SIRT3: variants seen among roughly 807,000 people sequenced by gnomAD.
SIRT3 encodes the protein sirtuin 3, also known as NAD-dependent protein deacetylase sirtuin-3, mitochondrial.
SIRT3 carries 26 observed loss-of-function variants against 33.5 expected under a neutral mutation model. The ratio of observed to expected loss-of-function variants is 0.78; its 90% CI spans 0.57 to 1.08. SIRT3 has a LOEUF of 1.08. Among genes scored for constraint, SIRT3 ranks in the 50% least tolerant of loss-of-function variants. SIRT3 has a pLI of 0.00. For synonymous variants in SIRT3, 237 were observed against 222.1 expected, an observed-to-expected ratio of 1.07 and a Z score of -0.60; for missense variants, 585 against 530.1, an observed-to-expected ratio of 1.10 and a Z score of -1.02.
Position 236,243 on chromosome 11 carries a change from CCCA to C in SIRT3, c.83_85del (p.Val28del). 1 of 1,551,138 alleles carries C rather than the reference CCCA, an allele frequency of 6.4e-7. No homozygotes were observed. Among genetic ancestry groups the C allele is most frequent in the Admixed American group, 1.9e-5 (1 of 52,682 alleles). ...CCGACAGCCGCAGGCCTGAAACGGCCCCACGCCTCCCCCGGCCTCGACCCGTTC... is the reference window on the plus strand; with the variant it reads ...CCGACAGCCGCAGGCCTGAAACGGCCCGCCTCCCCCGGCCTCGACCCGTTC... On this transcript the variant is annotated inframe_deletion, in exon 1 of 7. Transcript: ENST00000382743.
At chr11:221,233 C>T (rs34866124) in intron 5 of SIRT3, among the ~76,000 whole-genome samples, 1 of 152,204 alleles carries the variant, frequency 6.6e-6, no homozygotes, top group Non-Finnish European at 1.5e-5. Flanking sequence ...ATCCTCCTTC[C>T]TCAGCCTCTC....
At chr11:220,572 A>G (rs1856315252) in intron 5 of SIRT3, among the ~76,000 whole-genome samples, 1 of 152,158 alleles carries the variant, frequency 6.6e-6, no homozygotes, top group African/African-American at 2.4e-5. Flanking sequence ...CCACACACAC[A>G]CATGCATTTT....
chr11:227,150 G>C (rs1351818415), intron 4 of SIRT3, among the ~76,000 whole-genome samples: 1 of 151,968 alleles, frequency 6.6e-6, no homozygotes, highest in East Asian at 1.9e-4. Flanking sequence ...TTAAAAAACA[G>C]GCAGAGAGGC....
chr11:226,401 AATTTT>A (rs1429436520), intron 4 of SIRT3, among the ~76,000 whole-genome samples: 1 of 151,828 alleles, frequency 6.6e-6, no homozygotes, highest in African/African-American at 2.4e-5. Flanking sequence ...CAGGGCTTAG[AATTTT>A]ATTTTATATT....
chr11:233,556 G>T (rs1858416840), intron 1 of SIRT3, 22 bp from the exon 2 acceptor site: 10 of 1,611,802 alleles, frequency 6.2e-6, no homozygotes, highest in Non-Finnish European at 8.5e-6. Context: ...AAACACAGCA[G>T]CAAAGGAAAC....
At position 236,214 on chromosome 11, in the gene SIRT3, C is replaced by A; in HGVS notation, c.115G>T (p.Val39Leu). ...CTCACATCGTCCCTGCCGCCAAGCACCAGCCGACAGCCGCAGGCCTGAAAC... is the reference window on the plus strand; with the variant it reads ...CTCACATCGTCCCTGCCGCCAAGCAACAGCCGACAGCCGCAGGCCTGAAAC... ...GPFQACGCRLVLGGRDDVSAG... is the reference protein window; with the variant it reads ...GPFQACGCRLLLGGRDDVSAG... The change falls in exon 1 of 7, where the codon GTG (valine) becomes TTG (leucine). Residue 39 changes from valine to leucine, a missense_variant. Val to Leu is a conservative substitution (Grantham distance 32). Transcript: ENST00000382743. 1 of 1,559,974 alleles carries A rather than the reference C, an allele frequency of 6.4e-7. No homozygotes were observed. Among genetic ancestry groups the A allele is most frequent in the Non-Finnish European group, 8.6e-7 (1 of 1,156,164 alleles).
chr11:232,865 C>T, intron 3 of SIRT3, 118 bp downstream of exon 3: 1 of 972,574 alleles, frequency 1.0e-6, no homozygotes, highest in South Asian at 1.6e-5. Context: ...TGGCCGTCCC[C>T]AGAAACAGGC....
At chr11:229,216 A>G (rs12790715) in intron 4 of SIRT3, among the ~76,000 whole-genome samples, 23,758 of 152,156 alleles carry the variant, frequency 0.16, 2,333 homozygotes, top group Middle Eastern at 0.22. Context: ...ACTTTGGGAG[A>G]AAGAGGCAGG....
Position 216,546 on chromosome 11 carries a change from G to A in SIRT3, c.*152C>T, listed in dbSNP as rs200792188. On this transcript the variant is annotated 3_prime_UTR_variant, in exon 7 of 7. Transcript: ENST00000382743. Reference sequence around the variant, plus strand: ...TACCAGTCACTGCAGCTCATGGCCTGAGAAGACATTCCAGTGGCAGCCTCG... The same window carrying A: ...TACCAGTCACTGCAGCTCATGGCCTAAGAAGACATTCCAGTGGCAGCCTCG... The A allele has an allele frequency of 3.7e-6, 3 of 815,094 alleles. No homozygotes were observed. Among genetic ancestry groups the A allele is most frequent in the South Asian group, 1.6e-5 (1 of 63,046 alleles). The allele number at this position is 815,094 out of a possible 1,614,324, so 50.5% of individuals were successfully genotyped here. A position where few individuals can be genotyped will look rare whatever the true frequency, so the allele number is the denominator to read the frequency against.
intron 4 of SIRT3, among the ~76,000 whole-genome samples, chr11:227,004 G>A (rs866251795): frequency 5.3e-5 from 8 of 149,582 alleles, no homozygotes; most frequent in African/African-American, 9.8e-5. Flanking sequence ...CCACCCACCC[G>A]GCCTCCCAAA....
chr11:236,780 G>A, upstream of SIRT3: 1 of 532,188 alleles, frequency 1.9e-6, no homozygotes, highest in Non-Finnish European at 3.4e-6. Flanking sequence ...CTAGTCCGTA[G>A]CGGGTTCGAC....
Position 233,075 on chromosome 11 carries a change from TTG to T in SIRT3, c.612_613del (p.Tyr204Ter). On this transcript the variant is annotated stop_gained and frameshift_variant, in exon 3 of 7. Coordinates refer to ENST00000382743, the MANE Select transcript of SIRT3 (RefSeq NM_012239.6). LOFTEE classifies it high-confidence loss of function. ...GAGAAAGTAGTGAGTGACGTTGGGCTTGTAGTTTCCAGGGTACAGCTCCTTGG... is the reference window on the plus strand; with the variant it reads ...GAGAAAGTAGTGAGTGACGTTGGGCTTAGTTTCCAGGGTACAGCTCCTTGG... 1.2e-6 allele frequency: 2 copies of T among 1,614,166 alleles called. No homozygotes were observed. The highest frequency in any genetic ancestry group is 1.7e-6 in the Non-Finnish European group (2 of 1,180,026).
At chr11:229,885 T>TAC (rs1857678482) in intron 4 of SIRT3, among the ~76,000 whole-genome samples, 1 of 152,144 alleles carries the variant, frequency 6.6e-6, no homozygotes, top group Non-Finnish European at 1.5e-5. Flanking sequence ...AGCAGAACTA[T>TAC]ACACAAGAGC....
At chr11:222,274 T>A (rs936138302) in intron 5 of SIRT3, 1 of 154,040 alleles carries the variant, frequency 6.5e-6, no homozygotes, top group Non-Finnish European at 1.4e-5. Flanking sequence ...TGGGCCTTCC[T>A]GGACTCCAGA....
chr11:226,976 C>G (rs945222415), intron 4 of SIRT3, among the ~76,000 whole-genome samples: 3 of 151,478 alleles, frequency 2.0e-5, no homozygotes, highest in Non-Finnish European at 4.4e-5. Context: ...TGGTCTCAAA[C>G]TCCTGACCTC....
intron 3 of SIRT3, among the ~76,000 whole-genome samples, chr11:232,262 C>T (rs1858153947): frequency 6.6e-6 from 1 of 152,016 alleles, no homozygotes; most frequent in African/African-American, 2.4e-5. Flanking sequence ...GGATTACAGG[C>T]ACACACCACC....
intron 5 of SIRT3, among the ~76,000 whole-genome samples, chr11:220,401 C>T (rs10794301): frequency 0.79 from 117,203 of 148,908 alleles, 46,358 homozygotes; most frequent in African/African-American, 0.87. Context: ...TTAATTTATA[C>T]TAAAATTAAA....
chr11:236,473 C>G (rs11246029), upstream of SIRT3: 12 of 376,232 alleles, frequency 3.2e-5, no homozygotes, highest in Admixed American at 6.0e-4. Context: ...CGCCTCCGCG[C>G]CCCGCCCCCG....
At chr11:236,541 T>TCC (rs1394695807), upstream of SIRT3, 1 of 164,440 alleles carries the variant, frequency 6.1e-6, no homozygotes, top group Non-Finnish European at 1.3e-5. Context: ...TAGAGGAAGT[T>TCC]CCCTAGTCTG....
Sources: allele counts gnomAD v4.1 joint callset (sites outside exome capture counted in the v4.1 genomes callset), GRCh38; gene constraint gnomAD v4.1.1; transcripts MANE v1.5; gene names NCBI Gene and HGNC (gene_info 2026-07-23, HGNC 2026-07-21).